MPDU1: variants seen among roughly 807,000 people sequenced by gnomAD.
The protein encoded by MPDU1 is mannose-P-dolichol utilization defect 1, also known as mannose-P-dolichol utilization defect 1 protein.
A neutral mutation model predicts 27.6 loss-of-function variants in MPDU1; 18 were observed. That is an observed-to-expected ratio of 0.65 (90% CI 0.45 to 0.97). MPDU1 has a LOEUF of 0.97. Among genes scored for constraint, MPDU1 ranks in the 50% least tolerant of loss-of-function variants. The pLI is 0.00. For synonymous variants in MPDU1, 142 were observed against 131.1 expected (o/e 1.08, Z -0.57); for missense variants, 279 against 297.4 (o/e 0.94, Z 0.46).
chr17:7,587,573 C>G lies in MPDU1; in HGVS notation c.*22C>G. On this transcript the variant is annotated 3_prime_UTR_variant, in exon 7 of 7. Coordinates refer to ENST00000250124, the MANE Select transcript of MPDU1 (RefSeq NM_004870.4). Reference sequence around the variant, plus strand: ...GTAGAGCCAGCTACTGGAGTCATTCCGTTTCCACTCATTCACCCAACCTCA... The same window carrying G: ...GTAGAGCCAGCTACTGGAGTCATTCGGTTTCCACTCATTCACCCAACCTCA... 6.2e-7 allele frequency: 1 copy of G among 1,613,500 alleles called. No individual in the cohort carries two copies. Among genetic ancestry groups the G allele is most frequent in the East Asian group, 2.2e-5 (1 of 44,760 alleles).
Position 7,586,959 on chromosome 17 carries a change from C to A in MPDU1, c.449C>A (p.Pro150His). ...VLLVLLSPLT[P>H]LTVVTLLQAS... ...CTGGTGCTTCTCTCACCTCTGACGC[C>A]CTTGACTGTAGTCACCCTGCTCCAG... Residue 150 changes from proline to histidine, a missense_variant, in exon 5 of 7, where the codon CCC becomes CAC. Physicochemically the swap from Pro to His is moderately conservative, Grantham distance 77. Coordinates refer to ENST00000250124, the MANE Select transcript of MPDU1 (RefSeq NM_004870.4). The A allele has an allele frequency of 6.2e-7, 1 of 1,613,690 alleles. No homozygotes were observed. The highest frequency in any genetic ancestry group is 1.1e-5 in the South Asian group (1 of 91,052).
At chr17:7,585,912 G>A in intron 2 of MPDU1, 34 bp from the exon 3 acceptor site, 1 of 1,614,106 alleles carries the variant, frequency 6.2e-7, no homozygotes, top group Non-Finnish European at 8.5e-7. Context: ...AGAATGGAGA[G>A]TCCTCAGTCC....
Position 7,587,710 on chromosome 17 carries a change from T to C in MPDU1, c.*159T>C, listed in dbSNP as rs2071608530. Reference sequence around the variant, plus strand: ...TCTTTTAGTGGAAACAAATGGTTGATGGATCCAGATCCTTAGAAAAGGAGA... The same window carrying C: ...TCTTTTAGTGGAAACAAATGGTTGACGGATCCAGATCCTTAGAAAAGGAGA... On this transcript the variant is annotated 3_prime_UTR_variant, in exon 7 of 7. Transcript: ENST00000250124. The C allele has an allele frequency of 9.4e-7, 1 of 1,064,998 alleles. No individual in the cohort carries two copies. The highest frequency in any genetic ancestry group is 1.6e-5 in the African/African-American group (1 of 63,604). 66.0% of individuals were successfully genotyped at this position (1,064,998 alleles called of 1,614,324 possible).
At chr17:7,586,834 C>G in intron 4 of MPDU1, 57 bp downstream of exon 4, 2 of 1,611,870 alleles carry the variant, frequency 1.2e-6, no homozygotes, top group Non-Finnish European at 1.7e-6. Flanking sequence ...CTGCTGGGAA[C>G]TCAGGTCTGG....
chr17:7,587,154 C>T lies in MPDU1; in HGVS notation c.508-7C>T. 6.2e-7 allele frequency: 1 copy of T among 1,613,800 alleles called. No individual in the cohort carries two copies. The highest frequency in any genetic ancestry group is 8.5e-7 in the Non-Finnish European group (1 of 1,179,798). ...GACAGAGCCAAAGGTCTCAACTCCT[C>T]CCCTAGCTTCTCCAGGCAGCCACCA... On this transcript the variant is annotated splice_polypyrimidine_tract_variant and splice_region_variant and intron_variant, in intron 5 of 6. Transcript: ENST00000250124.
chr17:7,587,834 T>C lies in MPDU1; in HGVS notation c.*283T>C. 1 of 553,936 alleles carries C rather than the reference T, an allele frequency of 1.8e-6. No homozygotes were observed. Among genetic ancestry groups the C allele is most frequent in the South Asian group, 1.5e-5 (1 of 65,434 alleles). The allele number at this position is 553,936 out of a possible 1,614,324, so 34.3% of individuals were successfully genotyped here. A position where few individuals can be genotyped will look rare whatever the true frequency, so the allele number is the denominator to read the frequency against. On this transcript the variant is annotated 3_prime_UTR_variant, in exon 7 of 7. Coordinates refer to ENST00000250124, the MANE Select transcript of MPDU1 (RefSeq NM_004870.4). ...AATTCAGTCATTCAGCCAAGCCTCC[T>C]CCTCTAGCAGCAATTTCCAGCTGTG...
intron 1 of MPDU1, among the ~76,000 whole-genome samples, chr17:7,584,564 C>T (rs1372044183): frequency 1.3e-5 from 2 of 152,274 alleles, no homozygotes; most frequent in Non-Finnish European, 2.9e-5. Flanking sequence ...AGTCAGACTC[C>T]CACTAGACCA....
rs780090441 is a variant in MPDU1 at position 7,587,686 on chromosome 17, C to G, written c.*135C>G. 3.9e-6 allele frequency: 5 copies of G among 1,291,366 alleles called. No homozygotes were observed. Among genetic ancestry groups the G allele is most frequent in the African/African-American group, 2.9e-5 (2 of 67,866 alleles). 80.0% of individuals were successfully genotyped at this position (1,291,366 alleles called of 1,614,324 possible). The stretch of plus-strand genomic sequence containing the variant: ...TGCAGACTTTCTGAGCCAGGGTTTT[C>G]TTTTAGTGGAAACAAATGGTTGATG... On this transcript the variant is annotated 3_prime_UTR_variant, in exon 7 of 7. Transcript: ENST00000250124.
In MPDU1 at chr17:7,587,466, CCT is replaced by C. The variant is rs774113804; in HGVS notation, c.666_667del (p.Cys223GlnfsTer78). 8.7e-6 allele frequency: 14 copies of C among 1,613,668 alleles called. No homozygotes were observed. Among genetic ancestry groups the C allele is most frequent in the African/African-American group, 1.3e-5 (1 of 74,788 alleles). On this transcript the variant is annotated frameshift_variant, in exon 7 of 7. Coordinates refer to ENST00000250124, the MANE Select transcript of MPDU1 (RefSeq NM_004870.4). LOFTEE classifies it high-confidence loss of function. ...CTGATGGCTGGGACCTTTGTGGTCT[CCT>C]CTCTCTGCAACGGCCTCATCGCCGC...
chr17:7,586,659 C>T lies in MPDU1; in HGVS notation c.303-33C>T, dbSNP rs373370955. 2.4e-5 allele frequency: 39 copies of T among 1,599,748 alleles called. No homozygotes were observed. In the African/African-American group the frequency reaches 2.7e-4, roughly 11 times the overall value. ...GGCTTTCCCTGCCTCTTTCTAGGCC[C>T]GCCTTTCTTCCTCCCAACTCTTGAC... On this transcript the variant is annotated intron_variant, in intron 3 of 6. Transcript: ENST00000250124.
chr17:7,585,209 G>A (rs1357735753), intron 1 of MPDU1, among the ~76,000 whole-genome samples: 2 of 152,080 alleles, frequency 1.3e-5, no homozygotes, highest in South Asian at 2.1e-4. Flanking sequence ...GATGTGGGGG[G>A]TGGTAGGCAT....
chr17:7,588,024 T>TGGGGGAA lies in MPDU1; in HGVS notation c.*480_*486dup, dbSNP rs1290612672. The TGGGGGAA allele has an allele frequency of 1.6e-5, 8 of 486,188 alleles. No individual in the cohort carries two copies. Among genetic ancestry groups the TGGGGGAA allele is most frequent in the Admixed American group, 1.4e-4 (6 of 43,252 alleles). 30.1% of individuals were successfully genotyped at this position (486,188 alleles called of 1,614,324 possible). On this transcript the variant is annotated 3_prime_UTR_variant, in exon 7 of 7. Transcript: ENST00000250124. ...TGTCTCCCGGACCCCAGTGCTGGGG[T>TGGGGGAA]GGGGGAAGGGGGACGGAGAATGACT...
intron 1 of MPDU1, 83 bp downstream of exon 1, chr17:7,584,048 A>G (rs2071540163): frequency 7.6e-7 from 1 of 1,323,534 alleles, no homozygotes; most frequent in Non-Finnish European, 1.1e-6. Flanking sequence ...CGACTAAGTG[A>G]CGGCAGTGAC....
chr17:7,586,663 T>C (rs2071587784), intron 3 of MPDU1, 29 bp from the exon 4 acceptor site: 2 of 1,607,810 alleles, frequency 1.2e-6, no homozygotes, highest in Non-Finnish European at 1.7e-6. Context: ...TAGGCCCGCC[T>C]TTCTTCCTCC....
In MPDU1 at chr17:7,587,270, A is replaced by G. The variant is rs1018365142; in HGVS notation, c.617A>G (p.Gln206Arg). ...CTGGCCCGAATCTTCACTTCCATTC[A>G]GGTGAGTGCAACATCTTCCTTCTAG... ...GSLARIFTSI[Q>R]ETGDPLMAGT... Residue 206 changes from glutamine (Q) to arginine (R), a missense_variant and splice_region_variant, in exon 6 of 7, where the codon CAG (glutamine) becomes CGG (arginine). Transcript: ENST00000250124. The G allele has an allele frequency of 3.7e-6, 6 of 1,613,866 alleles. No homozygotes were observed. Among genetic ancestry groups the G allele is most frequent in the East Asian group, 2.2e-5 (1 of 44,864 alleles).
rs371677552 is a variant in MPDU1, at chr17:7,586,823, C to G, written c.388+46C>G. 63 of 1,611,642 alleles carry G rather than the reference C, an allele frequency of 3.9e-5. No individual in the cohort carries two copies. In the African/African-American group the frequency reaches 6.1e-4, roughly 16 times the overall value. On this transcript the variant is annotated intron_variant, in intron 4 of 6. Coordinates refer to ENST00000250124, the MANE Select transcript of MPDU1 (RefSeq NM_004870.4). ...AGCAGGCTGTGTGGTTCCTGGGAAC[C>G]CTGCTGGGAACTCAGGTCTGGGAAA...
rs1359488796 is a variant in MPDU1, at chr17:7,587,829, C to T, written c.*278C>T. The T allele has an allele frequency of 5.4e-6, 3 of 560,506 alleles. No individual in the cohort carries two copies. The highest frequency in any genetic ancestry group is 1.0e-5 in the Non-Finnish European group (3 of 296,016). 34.7% of individuals were successfully genotyped at this position (560,506 alleles called of 1,614,324 possible). A position where few individuals can be genotyped will look rare whatever the true frequency, so the allele number is the denominator to read the frequency against. On this transcript the variant is annotated 3_prime_UTR_variant, in exon 7 of 7. Transcript: ENST00000250124. ...CTATTAATTCAGTCATTCAGCCAAG[C>T]CTCCTCCTCTAGCAGCAATTTCCAG... is the stretch of plus-strand genomic sequence containing the variant.
intron 1 of MPDU1, among the ~76,000 whole-genome samples, chr17:7,584,658 G>T (rs2071550386): frequency 6.6e-6 from 1 of 152,222 alleles, no homozygotes; most frequent in South Asian, 2.1e-4. Context: ...GTAAGGTTTA[G>T]TCCCTGAGTA....
intron 1 of MPDU1, among the ~76,000 whole-genome samples, chr17:7,584,917 C>T (rs1392730156): frequency 6.6e-6 from 1 of 152,008 alleles, no homozygotes; most frequent in African/African-American, 2.4e-5. Flanking sequence ...CGCTTAAACC[C>T]GGGAGACAGA....
Sources: gnomAD v4.1 joint callset for allele counts (sites outside exome capture counted in the v4.1 genomes callset) on GRCh38, gnomAD v4.1.1 for gene constraint, MANE v1.5 for transcripts, NCBI Gene and HGNC (gene_info 2026-07-23, HGNC 2026-07-21) for gene names.